Variants in TRERF1 observed in about 807,000 individuals in gnomAD.
TRERF1 encodes the protein transcriptional regulating factor 1, also known as transcriptional-regulating factor 1.
A neutral mutation model predicts 122.9 loss-of-function variants in TRERF1; 27 were observed. The ratio of observed to expected loss-of-function variants is 0.22; its 90% CI spans 0.16 to 0.30. The LOEUF (loss-of-function observed/expected upper bound fraction) is 0.30. TRERF1 is among the 10% of genes least tolerant of loss of function. The probability of loss-of-function intolerance (pLI) is 1.00; values close to 1 mark genes in which losing one functional copy is unlikely to be tolerated. For missense variants in TRERF1, 1,248 were observed against 1,560.3 expected (o/e 0.80, Z 3.37); for synonymous variants, 636 against 641.7 (o/e 0.99, Z 0.13).
intron 2 of TRERF1, among the ~76,000 whole-genome samples, chr6:42,445,097 C>T (rs527539200): frequency 1.3e-5 from 2 of 152,028 alleles, no homozygotes; most frequent in East Asian, 1.9e-4. Context: ...GGTGAAACCC[C>T]GTCTCTACTA....
chr6:42,249,625 C>T (rs1298550893), intron 13 of TRERF1, among the ~76,000 whole-genome samples: 3 of 152,154 alleles, frequency 2.0e-5, no homozygotes, highest in African/African-American at 7.2e-5. Context: ...GCATTCTGTA[C>T]AACTCATCCT....
chr6:42,334,350 T>A (rs1765767761), intron 3 of TRERF1, among the ~76,000 whole-genome samples: 1 of 152,172 alleles, frequency 6.6e-6, no homozygotes, highest in Non-Finnish European at 1.5e-5. Context: ...CCACCATTAC[T>A]ACCCTGTTCC....
intron 2 of TRERF1, among the ~76,000 whole-genome samples, chr6:42,397,689 C>T (rs375831810): frequency 6.6e-5 from 10 of 152,304 alleles, no homozygotes; most frequent in African/African-American, 2.4e-4. Context: ...GACACCCAGC[C>T]AATTGTGCCA....
intron 3 of TRERF1, among the ~76,000 whole-genome samples, chr6:42,328,255 C>T (rs766852268): frequency 6.6e-6 from 1 of 151,840 alleles, no homozygotes; most frequent in Non-Finnish European, 1.5e-5. Flanking sequence ...GTGATCTGCC[C>T]GCCTCCGCCT....
At chr6:42,381,345 G>A (rs980643367) in intron 2 of TRERF1, among the ~76,000 whole-genome samples, 2 of 137,852 alleles carry the variant, frequency 1.5e-5, no homozygotes, top group African/African-American at 6.7e-5. Context: ...TTGAACCAGC[G>A]CCTTGTTTTA....
intron 4 of TRERF1, among the ~76,000 whole-genome samples, chr6:42,272,881 C>A (rs1398960314): frequency 1.3e-5 from 2 of 152,168 alleles, no homozygotes; most frequent in Non-Finnish European, 2.9e-5. Context: ...GGTCTGAGAT[C>A]CTGATCAGCT....
At chr6:42,253,184 T>A (rs1228823847) in intron 13 of TRERF1, among the ~76,000 whole-genome samples, 9 of 152,164 alleles carry the variant, frequency 5.9e-5, no homozygotes, top group African/African-American at 1.4e-4. Context: ...TTTAATGTCA[T>A]GATACACATA....
At position 42,232,142 on chromosome 6, in the gene TRERF1, G is replaced by A. The variant is rs1770679220; in HGVS notation, c.3278+539C>T. Among the ~76,000 whole-genome samples the A allele has an allele frequency of 2.0e-5, 3 of 152,090 alleles. 1 individual carries two copies. In the South Asian group the frequency reaches 6.2e-4, roughly 32 times the overall value. ...TTTCATGTGTCAACTCTGATTAATT[G>A]GTTGTGCAGCTTGAAGCATGACAAC... On this transcript the variant is annotated intron_variant, in intron 17 of 17. Coordinates refer to ENST00000372922, the Ensembl canonical transcript of TRERF1. This position sits in a 1 kb window ranked among gnomAD's most constrained non-coding sequence, Gnocchi z 4.5.
At chr6:42,360,578 T>C (rs571261929) in intron 3 of TRERF1, among the ~76,000 whole-genome samples, 1 of 152,058 alleles carries the variant, frequency 6.6e-6, no homozygotes, top group African/African-American at 2.4e-5. Flanking sequence ...TAGTAAGGTA[T>C]TATTCTACTT....
intron 6 of TRERF1, 149 bp downstream of exon 6, chr6:42,265,602 C>T: frequency 2.4e-6 from 2 of 846,414 alleles, no homozygotes; most frequent in Non-Finnish European, 3.8e-6. Context: ...GTGCTTAGCC[C>T]ATAGTATGCA....
chr6:42,312,619 G>A (rs1442243029), intron 3 of TRERF1, among the ~76,000 whole-genome samples: 4 of 152,112 alleles, frequency 2.6e-5, no homozygotes, highest in Admixed American at 6.5e-5. Context: ...CCGAGGTCTG[G>A]GCATCTGCAC....
chr6:42,261,561 A>G (rs1238213516), intron 8 of TRERF1, among the ~76,000 whole-genome samples: 1 of 152,118 alleles, frequency 6.6e-6, no homozygotes. Flanking sequence ...ACCACTGATG[A>G]GTCCAACCCT....
chr6:42,299,263 G>T (rs1409642172), intron 4 of TRERF1, among the ~76,000 whole-genome samples: 1 of 151,300 alleles, frequency 6.6e-6, no homozygotes, highest in African/African-American at 2.4e-5. Flanking sequence ...GTAGCTAGCT[G>T]GGTAACCCCA....
intron 3 of TRERF1, among the ~76,000 whole-genome samples, chr6:42,303,914 A>AAG (rs1392446839): frequency 5.8e-4 from 87 of 150,832 alleles, no homozygotes; most frequent in African/African-American, 2.1e-3. Flanking sequence ...TAAAAAAAAA[A>AAG]AAAAAAAAAA....
At chr6:42,408,267 A>ATGTATATATACATACTCATGAGTG in intron 2 of TRERF1, among the ~76,000 whole-genome samples, 1 of 123,368 alleles carries the variant, frequency 8.1e-6, no homozygotes, top group South Asian at 2.6e-4. Context: ...ATGTGTGTGT[A>ATGTATATATACATACTCATGAGTG]TGTATATATA....
chr6:42,370,094 G>A (rs1773494925), intron 2 of TRERF1, among the ~76,000 whole-genome samples: 2 of 152,274 alleles, frequency 1.3e-5, no homozygotes, highest in South Asian at 4.1e-4. Context: ...GGCTGCCTCT[G>A]AGGAGCAGAA....
intron 2 of TRERF1, among the ~76,000 whole-genome samples, chr6:42,409,553 T>A (rs1449364031): frequency 6.6e-6 from 1 of 152,230 alleles, no homozygotes; most frequent in African/African-American, 2.4e-5. Context: ...AATCTAGGCA[T>A]AAACTTTGGA....
chr6:42,327,626 C>T (rs567035612), intron 3 of TRERF1, among the ~76,000 whole-genome samples: 15 of 152,276 alleles, frequency 9.9e-5, no homozygotes, highest in East Asian at 5.8e-4. Flanking sequence ...ATAAGGTTAA[C>T]GTGAGGATCA....
chr6:42,360,587 T>C (rs1338268129), intron 3 of TRERF1, among the ~76,000 whole-genome samples: 2 of 151,904 alleles, frequency 1.3e-5, no homozygotes, highest in Non-Finnish European at 2.9e-5. Flanking sequence ...ATTATTCTAC[T>C]TCTATGGGTG....
Sources: allele counts gnomAD v4.1 joint callset (sites outside exome capture counted in the v4.1 genomes callset), GRCh38; gene constraint gnomAD v4.1.1; non-coding constraint Gnocchi (gnomAD v3.1); transcripts MANE v1.5; gene names NCBI Gene and HGNC (gene_info 2026-07-23, HGNC 2026-07-21).